KCND2: variants seen among roughly 807,000 people sequenced by gnomAD.
KCND2 encodes A-type voltage-gated potassium channel KCND2.
In KCND2, 16 loss-of-function variants were observed where a neutral mutation model predicts 54.4. The ratio of observed to expected loss-of-function variants is 0.29; its 90% CI spans 0.20 to 0.45. The LOEUF (loss-of-function observed/expected upper bound fraction) is 0.45. Among genes scored for constraint, KCND2 ranks in the 20% least tolerant of loss-of-function variants. The pLI, the probability that KCND2 is intolerant of heterozygous loss-of-function variation, is 1.00. For missense variants in KCND2, 486 were observed against 824.2 expected (o/e 0.59, Z 5.02); for synonymous variants, 317 against 310.7 (o/e 1.02, Z -0.21).
intron 1 of KCND2, among the ~76,000 whole-genome samples, chr7:120,316,605 A>G (rs1306283594): frequency 6.6e-6 from 1 of 152,162 alleles, no homozygotes; most frequent in Non-Finnish European, 1.5e-5. Flanking sequence ...CCACTCATGT[A>G]AATTTTAGGT....
chr7:120,463,857 T>C (rs1802323191), intron 1 of KCND2, among the ~76,000 whole-genome samples: 1 of 151,786 alleles, frequency 6.6e-6, no homozygotes, highest in African/African-American at 2.4e-5. Flanking sequence ...TGTTTATTAT[T>C]GAAGGGTAAG....
intron 1 of KCND2, among the ~76,000 whole-genome samples, chr7:120,639,784 C>T (rs1368155058): frequency 6.6e-6 from 1 of 152,048 alleles, no homozygotes; most frequent in Non-Finnish European, 1.5e-5. Context: ...TTATTCTGTG[C>T]CAGCAAGTGT....
At chr7:120,440,012 C>T (rs1801925665) in intron 1 of KCND2, among the ~76,000 whole-genome samples, 1 of 152,006 alleles carries the variant, frequency 6.6e-6, no homozygotes, top group Non-Finnish European at 1.5e-5. Context: ...GGATAAATAT[C>T]CAGGAGCACG....
At chr7:120,486,684 A>T (rs1345811728) in intron 1 of KCND2, among the ~76,000 whole-genome samples, 1 of 151,044 alleles carries the variant, frequency 6.6e-6, no homozygotes, top group African/African-American at 2.4e-5. Flanking sequence ...TGACTTGTTT[A>T]TTGTCTTTTT....
intron 1 of KCND2, among the ~76,000 whole-genome samples, chr7:120,415,207 G>T (rs1339933772): frequency 6.6e-6 from 1 of 152,080 alleles, no homozygotes; most frequent in Non-Finnish European, 1.5e-5. Flanking sequence ...TTTCAAGCTT[G>T]CTCTATTCTC....
chr7:120,718,074 A>G (rs1792624445), intron 1 of KCND2, among the ~76,000 whole-genome samples: 1 of 152,130 alleles, frequency 6.6e-6, no homozygotes, highest in South Asian at 2.1e-4. Flanking sequence ...GCAGGCATCC[A>G]GTAATGGTGG....
intron 1 of KCND2, among the ~76,000 whole-genome samples, chr7:120,482,856 T>C (rs1802626558): frequency 6.6e-6 from 1 of 152,188 alleles, no homozygotes; most frequent in South Asian, 2.1e-4. Context: ...TAATAATAAT[T>C]GTTGCTAGCA....
intron 1 of KCND2, among the ~76,000 whole-genome samples, chr7:120,413,994 C>G (rs1245542915): frequency 1.3e-5 from 2 of 149,932 alleles, no homozygotes; most frequent in African/African-American, 4.9e-5. Flanking sequence ...ATCTATTAAA[C>G]TGAAGTTCAT....
rs558802497 is a variant in KCND2 at position 120,378,526 on chromosome 7, C to T, written c.1115+102779C>T. Among the ~76,000 whole-genome samples the T allele has an allele frequency of 3.3e-5, 5 of 151,912 alleles. No individual in the cohort carries two copies. The South Asian group carries it at 6.2e-4, about 19-fold the overall frequency. On this transcript the variant is annotated intron_variant, in intron 1 of 5. Coordinates refer to ENST00000331113, the MANE Select transcript of KCND2 (RefSeq NM_012281.3). Reference sequence around the variant, plus strand: ...TTTTCCCCAGTGACACCTACTGTATCGGATTTTAAGTGAATTAGTAACTAA... The same window carrying T: ...TTTTCCCCAGTGACACCTACTGTATTGGATTTTAAGTGAATTAGTAACTAA...
chr7:120,707,940 G>C (rs1792490172), intron 1 of KCND2, among the ~76,000 whole-genome samples: 1 of 151,980 alleles, frequency 6.6e-6, no homozygotes, highest in South Asian at 2.1e-4. Context: ...CAAGAAACTA[G>C]CTAGCCTGCA....
intron 5 of KCND2, among the ~76,000 whole-genome samples, chr7:120,746,533 G>C (rs975523836): frequency 4.6e-5 from 7 of 152,126 alleles, no homozygotes; most frequent in African/African-American, 1.7e-4. Context: ...AGGTATTTTT[G>C]GCCATATCAA....
rs1368487579 is a variant in KCND2 at position 120,741,582 on chromosome 7, G to T, written c.1327G>T (p.Ala443Ser). 3 of 1,613,366 alleles carry T rather than the reference G, an allele frequency of 1.9e-6. No individual in the cohort carries two copies. In the East Asian group the frequency reaches 6.7e-5, roughly 36 times the overall value. Residue 443 changes from alanine to serine, a missense_variant, in exon 3 of 6, where the codon GCT becomes TCT. Transcript: ENST00000331113. ...IRAAKSGSAN[A>S]YMQSKRNGLL... ...GGCAGCCAAAAGCGGAAGCGCAAAT[G>T]CTTACATGCAGAGCAAACGGAATGG...
intron 1 of KCND2, among the ~76,000 whole-genome samples, chr7:120,402,183 T>C (rs982103887): frequency 6.6e-6 from 1 of 152,180 alleles, no homozygotes; most frequent in Non-Finnish European, 1.5e-5. Context: ...TAGTTATAGC[T>C]TCCCATTGGC....
At chr7:120,726,538 C>G (rs1317402407) in intron 1 of KCND2, among the ~76,000 whole-genome samples, 1 of 152,184 alleles carries the variant, frequency 6.6e-6, no homozygotes, top group Non-Finnish European at 1.5e-5. Flanking sequence ...GACTAACACT[C>G]TGGTCAAAGA....
chr7:120,584,398 C>T (rs890762142), intron 1 of KCND2, among the ~76,000 whole-genome samples: 1 of 152,158 alleles, frequency 6.6e-6, no homozygotes, highest in Non-Finnish European at 1.5e-5. Context: ...GCTGTTATTT[C>T]TTAGGTGACT....
intron 1 of KCND2, among the ~76,000 whole-genome samples, chr7:120,450,720 A>C (rs560436543): frequency 1.3e-5 from 2 of 152,356 alleles, no homozygotes; most frequent in African/African-American, 4.8e-5. Flanking sequence ...AAACATTTAA[A>C]GGAGTAGGCT....
At chr7:120,726,907 G>C (rs978971165) in intron 1 of KCND2, among the ~76,000 whole-genome samples, 6 of 152,194 alleles carry the variant, frequency 3.9e-5, no homozygotes, top group African/African-American at 1.4e-4. Context: ...GTGAGAGATT[G>C]AGTTACAGTA....
At chr7:120,551,304 C>T (rs1359377086) in intron 1 of KCND2, among the ~76,000 whole-genome samples, 7 of 152,084 alleles carry the variant, frequency 4.6e-5, no homozygotes, top group Admixed American at 1.3e-4. Flanking sequence ...CCTAAGAACC[C>T]CTCATAGTGA....
intron 1 of KCND2, among the ~76,000 whole-genome samples, chr7:120,683,908 G>C (rs1792170007): frequency 6.6e-6 from 1 of 152,076 alleles, no homozygotes; most frequent in South Asian, 2.1e-4. Context: ...ATTAATGGTA[G>C]GAAAGGCACA....
Sources: gnomAD v4.1 joint callset for allele counts (sites outside exome capture counted in the v4.1 genomes callset) on GRCh38, gnomAD v4.1.1 for gene constraint, MANE v1.5 for transcripts, NCBI Gene and HGNC (gene_info 2026-07-23, HGNC 2026-07-21) for gene names.